Variants in COL5A2 observed in about 807,000 individuals in gnomAD.
COL5A2 encodes the protein collagen alpha-2(V) chain.
COL5A2 carries 23 observed loss-of-function variants against 208.2 expected under a neutral mutation model. The ratio of observed to expected loss-of-function variants is 0.11; its 90% CI spans 0.08 to 0.16. The LOEUF (loss-of-function observed/expected upper bound fraction) is 0.16, where lower values mean the gene tolerates loss of function less well. Among genes scored for constraint, COL5A2 ranks in the 10% least tolerant of loss-of-function variants. The pLI, the probability that COL5A2 is intolerant of heterozygous loss-of-function variation, is 1.00. For missense variants in COL5A2, 1,590 were observed against 1,956.4 expected (o/e 0.81, Z 3.53); for synonymous variants, 625 against 628.5 (o/e 0.99, Z 0.08).
chr2:189,062,183 AATT>A (rs1686047384), intron 29 of COL5A2, among the ~76,000 whole-genome samples: 2 of 53,952 alleles, frequency 3.7e-5, no homozygotes, highest in African/African-American at 7.1e-5. Flanking sequence ...TACCTTAAAT[AATT>A]TTTTTTTTTT....
chr2:189,308,152 C>G, the COL5A2 span, among the ~76,000 whole-genome samples: 36 of 151,948 alleles, frequency 2.4e-4, 1 homozygote, highest in African/African-American at 7.0e-4. Flanking sequence ...GATGTGTTTT[C>G]TCATGGAAAA....
At chr2:189,164,693 G>T (rs1160613962) in intron 1 of COL5A2, among the ~76,000 whole-genome samples, 1 of 151,984 alleles carries the variant, frequency 6.6e-6, no homozygotes, top group African/African-American at 2.4e-5. Context: ...ATGTAATAGG[G>T]TTTTACAGCT....
intron 1 of COL5A2, among the ~76,000 whole-genome samples, chr2:189,215,103 AT>A (rs1298699850): frequency 5.9e-5 from 9 of 152,152 alleles, no homozygotes; most frequent in African/African-American, 2.2e-4. Context: ...AGGTCTTCTG[AT>A]TCATTCTCTG....
chr2:189,066,811 A>G (rs1001536313), intron 21 of COL5A2, 29 bp from the exon 22 acceptor site: 7 of 1,575,850 alleles, frequency 4.4e-6, no homozygotes, highest in Non-Finnish European at 6.1e-6. Flanking sequence ...TATTTGTAAG[A>G]ACCAGGACAT....
At chr2:189,336,228 G>C in the COL5A2 span, among the ~76,000 whole-genome samples, 1 of 152,050 alleles carries the variant, frequency 6.6e-6, no homozygotes, top group African/African-American at 2.4e-5. Flanking sequence ...AAATAAAAAA[G>C]ATAAATAATA....
At chr2:189,309,278 T>A in the COL5A2 span, among the ~76,000 whole-genome samples, 1 of 152,194 alleles carries the variant, frequency 6.6e-6, no homozygotes, top group Non-Finnish European at 1.5e-5. Flanking sequence ...ATCAGTAGCA[T>A]CCCGATAAGA....
intron 1 of COL5A2, among the ~76,000 whole-genome samples, chr2:189,132,265 A>G (rs1212341373): frequency 6.6e-6 from 1 of 152,218 alleles, no homozygotes; most frequent in Admixed American, 6.5e-5. Flanking sequence ...TAACAGTATC[A>G]TTTTGGTACA....
chr2:189,361,558 T>C, the COL5A2 span, among the ~76,000 whole-genome samples: 5 of 151,620 alleles, frequency 3.3e-5, no homozygotes, highest in Non-Finnish European at 7.4e-5. Flanking sequence ...TTTTTTAATC[T>C]ATTTAGTCAC....
At chr2:189,053,192 T>G (rs1258247934) in intron 38 of COL5A2, among the ~76,000 whole-genome samples, 174 bp from the exon 39 acceptor site, 2 of 152,094 alleles carry the variant, frequency 1.3e-5, no homozygotes, top group Non-Finnish European at 2.9e-5. Flanking sequence ...CAAAACAGCC[T>G]AAAAAATAAG....
intron 17 of COL5A2, among the ~76,000 whole-genome samples, chr2:189,074,771 G>A (rs186266503): frequency 5.9e-5 from 9 of 152,168 alleles, no homozygotes; most frequent in African/African-American, 1.9e-4. Flanking sequence ...ACATGCAGTC[G>A]GCCTCTGTTA....
At chr2:189,066,348 T>C in intron 23 of COL5A2, 42 bp downstream of exon 23, 1 of 1,524,782 alleles carries the variant, frequency 6.6e-7, no homozygotes, top group Non-Finnish European at 9.1e-7. Context: ...CACACATAAT[T>C]CCCTCACAAC....
chr2:189,374,525 T>C, the COL5A2 span, among the ~76,000 whole-genome samples: 4 of 151,906 alleles, frequency 2.6e-5, no homozygotes, highest in Non-Finnish European at 5.9e-5. Flanking sequence ...ACAAAATGTG[T>C]GTTGCATGAA....
At chr2:189,373,166 T>C in the COL5A2 span, among the ~76,000 whole-genome samples, 1 of 152,160 alleles carries the variant, frequency 6.6e-6, no homozygotes, top group South Asian at 2.1e-4. Flanking sequence ...AGGATGCCTT[T>C]TTTCTGTTCA....
chr2:189,366,428 G>C, the COL5A2 span, among the ~76,000 whole-genome samples: 2 of 152,122 alleles, frequency 1.3e-5, no homozygotes, highest in Non-Finnish European at 1.5e-5. Context: ...ATTGACATCT[G>C]GTAATTACAG....
At chr2:189,372,440 C>T in the COL5A2 span, among the ~76,000 whole-genome samples, 3 of 152,048 alleles carry the variant, frequency 2.0e-5, no homozygotes, top group South Asian at 6.2e-4. Flanking sequence ...AATCCATTTA[C>T]AGACATATAT....
chr2:189,242,121 A>C, the COL5A2 span, among the ~76,000 whole-genome samples: 3,595 of 152,272 alleles, frequency 0.024, 90 homozygotes, highest in Admixed American at 0.068. Flanking sequence ...TGTCATATGT[A>C]TAGTGTGAAC....
At position 189,033,980 on chromosome 2, in the gene COL5A2, G is replaced by A; in HGVS notation, c.*90C>T. Reference sequence around the variant, plus strand: ...TGCAGGATCAGCCATTACTTCAAGAGTCTCAGGATCAACTTCAAACAGTCA... The same window carrying A: ...TGCAGGATCAGCCATTACTTCAAGAATCTCAGGATCAACTTCAAACAGTCA... On this transcript the variant is annotated 3_prime_UTR_variant, in exon 54 of 54. Transcript: ENST00000374866. 1 of 1,552,466 alleles carries A rather than the reference G, an allele frequency of 6.4e-7. No homozygotes were observed. Among genetic ancestry groups the A allele is most frequent in the Non-Finnish European group, 8.9e-7 (1 of 1,128,432 alleles).
chr2:189,061,267 A>G (rs1260914296), intron 30 of COL5A2, among the ~76,000 whole-genome samples: 1 of 152,190 alleles, frequency 6.6e-6, no homozygotes, highest in African/African-American at 2.4e-5. Flanking sequence ...ATGGTTTCAT[A>G]AACTTTGTTG....
chr2:189,035,093 A>T lies in COL5A2; in HGVS notation c.4176T>A (p.Leu1392=). 1 of 1,613,916 alleles carries T rather than the reference A, an allele frequency of 6.2e-7. No individual in the cohort carries two copies. Among genetic ancestry groups the T allele is most frequent in the Non-Finnish European group, 8.5e-7 (1 of 1,179,894 alleles). ...TAITQMTFLR[L]LSKEASQNIT... is the part of the protein sequence containing the mutation. ...TGTTCTGGGAGGCTTCTTTTGATAA[A>T]AGGCGCAAAAAAGTCATCTGAGTAA... The change falls in exon 53 of 54, where the codon CTT becomes CTA. Residue 1392 remains leucine (L), a synonymous_variant. Transcript: ENST00000374866.
Sources: allele counts gnomAD v4.1 joint callset (sites outside exome capture counted in the v4.1 genomes callset), GRCh38; gene constraint gnomAD v4.1.1; transcripts MANE v1.5; gene names NCBI Gene and HGNC (gene_info 2026-07-23, HGNC 2026-07-21).